Variants in LRRTM4 observed in about 807,000 individuals in gnomAD.
LRRTM4 encodes the protein leucine rich repeat transmembrane neuronal 4, also known as leucine-rich repeat transmembrane neuronal protein 4.
In LRRTM4, 25 loss-of-function variants were observed where a neutral mutation model predicts 47.6. The ratio of observed to expected loss-of-function variants is 0.53; its 90% confidence interval spans 0.38 to 0.73. The LOEUF (loss-of-function observed/expected upper bound fraction) is 0.73. LRRTM4 is among the 30% of genes least tolerant of loss of function. The pLI is 0.00. For synonymous variants in LRRTM4, 311 were observed against 269.5 expected (o/e 1.15, Z -1.51); for missense variants, 638 against 713.4 (o/e 0.89, Z 1.20).
intron 3 of LRRTM4, among the ~76,000 whole-genome samples, chr2:76,911,233 CGT>C (rs147476072): frequency 0.013 from 2,021 of 152,244 alleles, 43 homozygotes; most frequent in African/African-American, 0.047. Context: ...TACAGATAGA[CGT>C]GTTGTGAAGC....
At position 76,795,531 on chromosome 2, in the gene LRRTM4, T is replaced by A. The variant is rs1031802306; in HGVS notation, c.1552-46615A>T. On this transcript the variant is annotated intron_variant, in intron 3 of 3. Transcript: ENST00000409884. ...TTAAAATATGAGAGCACTACATATA[T>A]ACCATATGCATATACATGTATATGC... is the stretch of plus-strand genomic sequence containing the variant. Among the ~76,000 whole-genome samples the A allele has an allele frequency of 2.0e-5, 3 of 152,146 alleles. No homozygotes were observed. In the East Asian group the frequency reaches 5.8e-4, roughly 29 times the overall value.
intron 3 of LRRTM4, among the ~76,000 whole-genome samples, chr2:77,358,232 A>G (rs1258803445): frequency 6.6e-6 from 1 of 152,202 alleles, no homozygotes; most frequent in Non-Finnish European, 1.5e-5. Context: ...CGGTATGAGA[A>G]GCATGGTGCC....
chr2:77,439,617 T>C (rs192590935), intron 3 of LRRTM4, among the ~76,000 whole-genome samples: 263 of 152,278 alleles, frequency 1.7e-3, no homozygotes, highest in African/African-American at 6.1e-3. Context: ...ATTTTATTAA[T>C]CTCTAAATTT....
intron 3 of LRRTM4, among the ~76,000 whole-genome samples, chr2:77,192,208 A>G (rs1034699712): frequency 2.0e-5 from 3 of 152,104 alleles, no homozygotes; most frequent in Non-Finnish European, 4.4e-5. Context: ...TTAATTCCAT[A>G]TATTTATGAA....
chr2:77,224,775 T>C (rs2103957270), intron 3 of LRRTM4, among the ~76,000 whole-genome samples: 1 of 152,240 alleles, frequency 6.6e-6, no homozygotes, highest in African/African-American at 2.4e-5. Flanking sequence ...GACTGTAAAC[T>C]AGTTCAACCA....
intron 3 of LRRTM4, among the ~76,000 whole-genome samples, chr2:77,038,663 A>AG (rs1327228827): frequency 6.6e-6 from 1 of 151,488 alleles, no homozygotes; most frequent in African/African-American, 2.4e-5. Flanking sequence ...CTTGTCCCCT[A>AG]GTTTTAGTCT....
intron 3 of LRRTM4, among the ~76,000 whole-genome samples, chr2:76,818,075 T>C (rs1257269211): frequency 1.3e-5 from 2 of 151,982 alleles, no homozygotes; most frequent in East Asian, 3.9e-4. Context: ...TTGTAGTTTG[T>C]AGCTTTTAGT....
At chr2:76,793,847 C>A (rs1464827213) in intron 3 of LRRTM4, among the ~76,000 whole-genome samples, 1 of 152,028 alleles carries the variant, frequency 6.6e-6, no homozygotes, top group Non-Finnish European at 1.5e-5. Context: ...TTGCTGTAAG[C>A]CTGTAAGAAG....
At chr2:77,373,363 A>G (rs1333868129) in intron 3 of LRRTM4, among the ~76,000 whole-genome samples, 1 of 151,588 alleles carries the variant, frequency 6.6e-6, no homozygotes, top group African/African-American at 2.4e-5. Flanking sequence ...CAAAAACAAT[A>G]CTGAAAAAAA....
intron 3 of LRRTM4, among the ~76,000 whole-genome samples, chr2:77,055,448 A>G (rs545649339): frequency 6.6e-6 from 1 of 152,170 alleles, no homozygotes; most frequent in African/African-American, 2.4e-5. Context: ...AATGCTCACC[A>G]TCACTGCCCA....
intron 3 of LRRTM4, among the ~76,000 whole-genome samples, chr2:77,296,377 T>TTTGAAGGTGGGAGATAG (rs1191399411): frequency 6.6e-6 from 1 of 152,148 alleles, no homozygotes; most frequent in Non-Finnish European, 1.5e-5. Context: ...GATAGCATCT[T>TTTGAAGGTGGGAGATAG]CGATTTTTTT....
intron 3 of LRRTM4, among the ~76,000 whole-genome samples, chr2:77,191,975 G>A (rs2103880360): frequency 6.6e-6 from 1 of 152,016 alleles, no homozygotes; most frequent in Admixed American, 6.6e-5. Flanking sequence ...GAAAAGGTCA[G>A]AATAAAGACA....
chr2:77,077,026 C>A (rs2103844575), intron 3 of LRRTM4, among the ~76,000 whole-genome samples: 1 of 152,230 alleles, frequency 6.6e-6, no homozygotes, highest in African/African-American at 2.4e-5. Context: ...GTAATCCATT[C>A]CCTTCCCCAA....
At chr2:77,313,454 AAT>A (rs1558683657) in intron 3 of LRRTM4, among the ~76,000 whole-genome samples, 7 of 89,096 alleles carry the variant, frequency 7.9e-5, no homozygotes, top group African/African-American at 5.7e-4. Context: ...GTTTTCCTGT[AAT>A]CCTGTTGCTG....
intron 3 of LRRTM4, among the ~76,000 whole-genome samples, chr2:77,322,822 A>G (rs1464804269): frequency 2.0e-5 from 3 of 149,614 alleles, no homozygotes; most frequent in Non-Finnish European, 3.0e-5. Flanking sequence ...TTGGAACTAC[A>G]TAAACTCTCT....
intron 3 of LRRTM4, among the ~76,000 whole-genome samples, chr2:77,050,100 C>G (rs7558964): frequency 1.4e-5 from 2 of 147,978 alleles, no homozygotes; most frequent in Non-Finnish European, 3.0e-5. Context: ...GGCTTCTAGT[C>G]TGCAGATGTG....
chr2:77,108,684 C>T lies in LRRTM4; in HGVS notation c.1552-359768G>A, dbSNP rs192190555. On this transcript the variant is annotated intron_variant, in intron 3 of 3. Coordinates refer to ENST00000409884, the MANE Select transcript of LRRTM4 (RefSeq NM_001134745.3). ...CTGCAAGCTCCGCCTCCCGGGTTCACGCCATTCTCCTGCCTCAGCCTCCCA... is the reference window on the plus strand; with the variant it reads ...CTGCAAGCTCCGCCTCCCGGGTTCATGCCATTCTCCTGCCTCAGCCTCCCA... Among the ~76,000 whole-genome samples, 11 of 150,596 alleles carry T rather than the reference C, an allele frequency of 7.3e-5. No homozygotes were observed. In the East Asian group the frequency reaches 7.8e-4, roughly 11 times the overall value.
intron 3 of LRRTM4, among the ~76,000 whole-genome samples, chr2:77,480,822 G>GTGTGTGTGTGTGTGTGTAGAGAGA (rs1222517611): frequency 1.3e-5 from 1 of 74,498 alleles, no homozygotes; most frequent in Non-Finnish European, 2.4e-5. Flanking sequence ...GTGTGTGTGT[G>GTGTGTGTGTGTGTGTGTAGAGAGA]GAGAGAGAGA....
At chr2:76,911,364 A>G (rs1674049182) in intron 3 of LRRTM4, among the ~76,000 whole-genome samples, 1 of 152,198 alleles carries the variant, frequency 6.6e-6, no homozygotes, top group African/African-American at 2.4e-5. Flanking sequence ...TAAAAGTGAA[A>G]ATGTTTCCTG....
Sources: gnomAD v4.1 joint callset for allele counts (sites outside exome capture counted in the v4.1 genomes callset) on GRCh38, gnomAD v4.1.1 for gene constraint, MANE v1.5 for transcripts, NCBI Gene and HGNC (gene_info 2026-07-23, HGNC 2026-07-21) for gene names.